The following PROM1 variants were observed in gnomAD, a reference collection of about 807,000 sequenced individuals.
PROM1 encodes prominin-1.
In PROM1, 105 loss-of-function variants were observed where a neutral mutation model predicts 116.9. The ratio of observed to expected loss-of-function variants is 0.90; its 90% CI spans 0.77 to 1.06. The LOEUF is 1.06. Among genes scored for constraint, PROM1 ranks in the 50% least tolerant of loss-of-function variants. The pLI, the probability that PROM1 is intolerant of heterozygous loss-of-function variation, is 0.00. For missense variants in PROM1, 1,122 were observed against 1,045.2 expected (o/e 1.07, Z -1.01); for synonymous variants, 393 against 387.0 (o/e 1.02, Z -0.18).
Position 16,065,270 on chromosome 4 carries a change from C to T in PROM1, c.220+10417G>A, listed in dbSNP as rs115297105. ...ACCTTCCAGACATGCAGGGAACCAG[C>T]CTCACTGCTCCCCAGGCCATGTCCT... On this transcript the variant is annotated intron_variant, in intron 2 of 27. Transcript: ENST00000447510. Among the ~76,000 whole-genome samples, 667 of 152,292 alleles carry T rather than the reference C, an allele frequency of 4.4e-3. 2 individuals carry two copies. Among genetic ancestry groups the T allele is most frequent in the African/African-American group, 0.015 (631 of 41,574 alleles).
At chr4:16,018,616 T>C in intron 8 of PROM1, 76 bp from the exon 9 acceptor site, 1 of 1,295,236 alleles carries the variant, frequency 7.7e-7, no homozygotes, top group Non-Finnish European at 1.1e-6. Flanking sequence ...TAAAGGGACT[T>C]GGGATGGACT....
intron 2 of PROM1, 74 bp downstream of exon 2, chr4:16,075,613 G>T: frequency 7.4e-7 from 1 of 1,346,680 alleles, no homozygotes; most frequent in Non-Finnish European, 1.0e-6. Context: ...TATATTGATT[G>T]CATTGACATT....
intron 13 of PROM1, among the ~76,000 whole-genome samples, chr4:16,004,831 T>TC (rs1724808322): frequency 9.9e-5 from 9 of 90,820 alleles, no homozygotes; most frequent in Non-Finnish European, 1.5e-4. Flanking sequence ...TTCTTTCTTT[T>TC]TCTTCCTTCC....
chr4:15,992,171 A>G (rs1457643939), intron 17 of PROM1, 77 bp downstream of exon 17: 1 of 1,570,590 alleles, frequency 6.4e-7, no homozygotes, highest in Non-Finnish European at 8.6e-7. Flanking sequence ...TTAATAAAAA[A>G]TCAAAAGCAA....
At chr4:16,067,407 A>C (rs767319997) in intron 2 of PROM1, among the ~76,000 whole-genome samples, 1 of 152,156 alleles carries the variant, frequency 6.6e-6, no homozygotes, top group African/African-American at 2.4e-5. Flanking sequence ...AAGTTATTTG[A>C]TCTCTGAGCC....
At chr4:16,019,666 T>C (rs1201384403) in intron 8 of PROM1, among the ~76,000 whole-genome samples, 2 of 152,190 alleles carry the variant, frequency 1.3e-5, no homozygotes, top group South Asian at 2.1e-4. Context: ...CAGTAAAAGA[T>C]GTGAAATTTA....
intron 7 of PROM1, 24 bp from the exon 8 acceptor site, chr4:16,023,439 T>C (rs778977698): frequency 6.5e-7 from 1 of 1,535,480 alleles, no homozygotes; most frequent in Admixed American, 1.8e-5. Context: ...AGCACAAAGA[T>C]GGTGAGGGTG....
chr4:16,068,108 A>T (rs968846307), intron 2 of PROM1, among the ~76,000 whole-genome samples: 1 of 152,158 alleles, frequency 6.6e-6, no homozygotes. Context: ...GGAGGCAGAG[A>T]GAATCCAGGT....
intron 8 of PROM1, among the ~76,000 whole-genome samples, chr4:16,023,048 T>C (rs922614604): frequency 2.6e-5 from 4 of 152,078 alleles, no homozygotes; most frequent in African/African-American, 7.2e-5. Flanking sequence ...CAAATGCGTA[T>C]GGCTGTGTTC....
intron 26 of PROM1, among the ~76,000 whole-genome samples, chr4:15,974,637 T>C (rs887331892): frequency 5.4e-5 from 8 of 149,164 alleles, no homozygotes; most frequent in Admixed American, 1.3e-4. Flanking sequence ...CATTAAATAA[T>C]TTTTTTTTTC....
chr4:15,991,761 C>T (rs371471780), intron 17 of PROM1, among the ~76,000 whole-genome samples: 6 of 151,232 alleles, frequency 4.0e-5, no homozygotes, highest in Admixed American at 2.0e-4. Flanking sequence ...GGTGAAACCC[C>T]GTCTCTACTA....
At chr4:15,995,850 C>T (rs1208323995) in intron 15 of PROM1, among the ~76,000 whole-genome samples, 1 of 152,154 alleles carries the variant, frequency 6.6e-6, no homozygotes, top group Non-Finnish European at 1.5e-5. Flanking sequence ...CTGTAAGTAT[C>T]ACTGTATTCT....
At chr4:16,046,564 C>T (rs763334768) in intron 2 of PROM1, among the ~76,000 whole-genome samples, 1 of 152,206 alleles carries the variant, frequency 6.6e-6, no homozygotes, top group African/African-American at 2.4e-5. Flanking sequence ...TTTAAATCTA[C>T]ATTGAATCAG....
Position 16,035,700 on chromosome 4 carries a change from C to T in PROM1, c.303+35G>A, listed in dbSNP as rs1174958912. 1.9e-6 allele frequency: 3 copies of T among 1,591,260 alleles called. No homozygotes were observed. The East Asian group carries it at 6.7e-5, about 36-fold the overall frequency. On this transcript the variant is annotated intron_variant, in intron 4 of 27. Transcript: ENST00000447510. ...GACAGTGAAGAACAGAAAGGCTTTC[C>T]AAGAGCAACTTGAAATAGCAGACAA...
chr4:16,011,780 C>G (rs1038911641), intron 11 of PROM1, among the ~76,000 whole-genome samples: 3 of 152,136 alleles, frequency 2.0e-5, no homozygotes, highest in Admixed American at 2.0e-4. Context: ...AGGAAACCCA[C>G]AAAACATCTA....
At chr4:16,003,388 T>C (rs1265223035) in intron 13 of PROM1, 1 of 456,780 alleles carries the variant, frequency 2.2e-6, no homozygotes, top group East Asian at 6.9e-5. Flanking sequence ...GCAAAGAGCA[T>C]CATGGTCTTT....
chr4:15,989,645 A>G (rs1553895522), intron 19 of PROM1, 87 bp downstream of exon 19: 2 of 1,093,768 alleles, frequency 1.8e-6, no homozygotes, highest in Non-Finnish European at 1.4e-6. Context: ...AGAGATGAGC[A>G]TGTGTCGTGA....
At chr4:15,996,633 G>A (rs1475406330) in intron 15 of PROM1, among the ~76,000 whole-genome samples, 2 of 152,160 alleles carry the variant, frequency 1.3e-5, no homozygotes, top group African/African-American at 4.8e-5. Context: ...TTAAATGTGT[G>A]CATATTTCAA....
intron 23 of PROM1, among the ~76,000 whole-genome samples, chr4:15,980,945 T>TATTTATTTATTTA (rs1560391843): frequency 1.4e-5 from 1 of 70,364 alleles, no homozygotes. Context: ...TCTTATGAGT[T>TATTTATTTATTTA]GTTATTTATT....
Sources: gnomAD v4.1 joint callset for allele counts (sites outside exome capture counted in the v4.1 genomes callset) on GRCh38, gnomAD v4.1.1 for gene constraint, MANE v1.5 for transcripts, NCBI Gene and HGNC (gene_info 2026-07-23, HGNC 2026-07-21) for gene names.